Variants in CCNYL1 observed in about 807,000 individuals in gnomAD.
CCNYL1 encodes cyclin-Y-like protein 1.
In CCNYL1, 16 loss-of-function variants were observed where a neutral mutation model predicts 44.2. The observed-to-expected ratio is 0.36, with a 90% CI of 0.25 to 0.55. The LOEUF is 0.55. CCNYL1 is among the 20% of genes least tolerant of loss of function. The pLI is 0.85. For synonymous variants in CCNYL1, 159 were observed against 163.2 expected, an observed-to-expected ratio of 0.97 and a Z score of 0.20; for missense variants, 348 against 451.8, an observed-to-expected ratio of 0.77 and a Z score of 2.08.
At position 207,751,086 on chromosome 2, in the gene CCNYL1, T is replaced by C. The variant is rs761807479; in HGVS notation, c.936T>C (p.Ala312=). ...ADDNNLNFLF[A]PLSKERAQNL... ...ACAACAACCTGAATTTTCTATTTGCTCCTCTTAGCAAAGAAAGAGCACAGA... is the reference window on the plus strand; with the variant it reads ...ACAACAACCTGAATTTTCTATTTGCCCCTCTTAGCAAAGAAAGAGCACAGA... The change falls in exon 9 of 10, where the codon GCT becomes GCC. Residue 312 remains alanine (A), a synonymous_variant. Coordinates refer to ENST00000295414, the MANE Select transcript of CCNYL1 (RefSeq NM_001330218.2). 9 of 1,614,010 alleles carry C rather than the reference T, an allele frequency of 5.6e-6. No individual in the cohort carries two copies. The South Asian group carries it at 9.9e-5, about 18-fold the overall frequency.
chr2:207,716,727 A>G (rs907545327), intron 1 of CCNYL1, among the ~76,000 whole-genome samples: 2 of 152,196 alleles, frequency 1.3e-5, no homozygotes, highest in African/African-American at 4.8e-5. Flanking sequence ...ATAAAAACAT[A>G]TTTTGATGAC....
chr2:207,737,194 C>T (rs999897489), intron 4 of CCNYL1, among the ~76,000 whole-genome samples: 13 of 152,048 alleles, frequency 8.5e-5, no homozygotes, highest in Non-Finnish European at 1.3e-4. Context: ...GGATTACAGG[C>T]GTGAGCCACT....
rs186061428 is a variant in CCNYL1, at chr2:207,717,237, G to A, written c.220+5121G>A. On this transcript the variant is annotated intron_variant, in intron 1 of 9. Coordinates refer to ENST00000295414, the MANE Select transcript of CCNYL1 (RefSeq NM_001330218.2). ...TATCTTGCATCTTTAATTCTGAATA[G>A]CTACCACTTTAAAAGATTTGATGCT... Among the ~76,000 whole-genome samples the A allele has an allele frequency of 3.3e-5, 5 of 151,836 alleles. No individual in the cohort carries two copies. The East Asian group carries it at 5.8e-4, about 18-fold the overall frequency.
chr2:207,721,106 T>G (rs1401560461), intron 1 of CCNYL1, among the ~76,000 whole-genome samples: 1 of 152,124 alleles, frequency 6.6e-6, no homozygotes, highest in African/African-American at 2.4e-5. Context: ...TTTGAAATGT[T>G]TGTGTTATGG....
At chr2:207,751,371 CTGT>C (rs1392456736) in intron 9 of CCNYL1, among the ~76,000 whole-genome samples, 2 of 152,228 alleles carry the variant, frequency 1.3e-5, no homozygotes, top group South Asian at 2.1e-4. Context: ...CAAATTTAAT[CTGT>C]TGTTAATGAG....
intron 9 of CCNYL1, among the ~76,000 whole-genome samples, chr2:207,752,391 A>T (rs1200563135): frequency 6.6e-6 from 1 of 151,774 alleles, no homozygotes; most frequent in Admixed American, 6.6e-5. Context: ...AAAATTCAAA[A>T]ATTAGCCGGG....
At chr2:207,751,574 G>C (rs1383238100) in intron 9 of CCNYL1, among the ~76,000 whole-genome samples, 1 of 151,980 alleles carries the variant, frequency 6.6e-6, no homozygotes, top group East Asian at 1.9e-4. Context: ...ACACACACAG[G>C]CCGGGCGCGG....
At position 207,711,977 on chromosome 2, in the gene CCNYL1, C is replaced by A; in HGVS notation, c.81C>A (p.Tyr27Ter). ...LGRRAGSAELYCASDIYEAVS... is the reference protein window; with the variant it reads ...LGRRAGSAEL Reference sequence around the variant, plus strand: ...GGCGCGCGGGGTCGGCGGAGCTGTACTGCGCGTCCGACATCTACGAGGCGG... The same window carrying A: ...GGCGCGCGGGGTCGGCGGAGCTGTAATGCGCGTCCGACATCTACGAGGCGG... Residue 27 changes from tyrosine to a stop codon, truncating the protein, a stop_gained, in exon 1 of 10, where the codon TAC becomes TAA. Transcript: ENST00000295414. LOFTEE classifies it high-confidence loss of function. 1.4e-6 allele frequency: 2 copies of A among 1,451,096 alleles called. No homozygotes were observed. The highest frequency in any genetic ancestry group is 1.8e-6 in the Non-Finnish European group (2 of 1,099,310). The allele number at this position is 1,451,096 out of a possible 1,614,324, so 89.9% of individuals were successfully genotyped here.
chr2:207,743,447 G>T (rs1201063594), intron 7 of CCNYL1, among the ~76,000 whole-genome samples: 1 of 152,130 alleles, frequency 6.6e-6, no homozygotes, highest in East Asian at 1.9e-4. Flanking sequence ...ACAGAGAAAG[G>T]TTGCAGAATG....
intron 7 of CCNYL1, among the ~76,000 whole-genome samples, chr2:207,745,560 T>C (rs535149771): frequency 6.6e-6 from 1 of 152,226 alleles, no homozygotes; most frequent in African/African-American, 2.4e-5. Flanking sequence ...ATGTTCAATA[T>C]CCATTTTTGA....
At chr2:207,714,512 T>C (rs2091578187) in intron 1 of CCNYL1, 1 of 306,398 alleles carries the variant, frequency 3.3e-6, no homozygotes, top group African/African-American at 2.2e-5. Context: ...AAAGTAGAGG[T>C]AACAAAATGG....
At chr2:207,714,341 GAGAA>G in intron 1 of CCNYL1, 1 of 318,240 alleles carries the variant, frequency 3.1e-6, no homozygotes, top group Admixed American at 4.9e-5. Context: ...TTTTTTTTAA[GAGAA>G]AGAGTCTCAC....
At chr2:207,736,753 A>G (rs1025973556) in intron 4 of CCNYL1, among the ~76,000 whole-genome samples, 24 of 152,214 alleles carry the variant, frequency 1.6e-4, no homozygotes, top group Non-Finnish European at 3.2e-4. Flanking sequence ...CAAAAAATAA[A>G]AATAACCAAA....
intron 7 of CCNYL1, among the ~76,000 whole-genome samples, chr2:207,742,680 G>A (rs1345972226): frequency 6.6e-6 from 1 of 152,160 alleles, no homozygotes; most frequent in Admixed American, 6.5e-5. Context: ...ACAAAACCAT[G>A]TGGTTCAGAG....
intron 6 of CCNYL1, among the ~76,000 whole-genome samples, chr2:207,741,263 A>C (rs2091807787): frequency 1.3e-5 from 2 of 152,020 alleles, no homozygotes; most frequent in Admixed American, 1.3e-4. Flanking sequence ...AAAAAAAAAA[A>C]ATTTTTCAAA....
Position 207,747,114 on chromosome 2 carries a change from T to C in CCNYL1, c.707T>C (p.Val236Ala). Residue 236 changes from valine to alanine, a missense_variant, in exon 8 of 10, where the codon GTT becomes GCT. By Grantham distance (64) the Val-to-Ala change is moderately conservative (BLOSUM62 0). Transcript: ENST00000295414. ...TGTCCCACCAACTGGAAAAGGATTG[T>C]TCTGGGAGCCATTCTTCTTGCCTCC... ...DICPTNWKRI[V>A]LGAILLASKV... 4 of 1,614,154 alleles carry C rather than the reference T, an allele frequency of 2.5e-6. No homozygotes were observed. The highest frequency in any genetic ancestry group is 3.4e-6 in the Non-Finnish European group (4 of 1,180,006).
chr2:207,749,495 T>TA (rs1322469405), intron 8 of CCNYL1, among the ~76,000 whole-genome samples: 20 of 151,560 alleles, frequency 1.3e-4, no homozygotes, highest in Middle Eastern at 3.4e-3. Context: ...CCTAGCCATT[T>TA]AAAAAAAAAC....
intron 9 of CCNYL1, among the ~76,000 whole-genome samples, chr2:207,753,244 A>T (rs921602186): frequency 6.6e-6 from 1 of 152,210 alleles, no homozygotes; most frequent in African/African-American, 2.4e-5. Context: ...GCACAAGTGT[A>T]CGTTTGTTAT....
At chr2:207,752,051 T>G (rs1022549440) in intron 9 of CCNYL1, among the ~76,000 whole-genome samples, 1 of 151,988 alleles carries the variant, frequency 6.6e-6, no homozygotes, top group African/African-American at 2.4e-5. Context: ...AAAAAAATTT[T>G]TTCTTTGCGA....
Sources: allele counts gnomAD v4.1 joint callset (sites outside exome capture counted in the v4.1 genomes callset), GRCh38; gene constraint gnomAD v4.1.1; transcripts MANE v1.5; gene names NCBI Gene and HGNC (gene_info 2026-07-23, HGNC 2026-07-21).